Variants in FZR1 observed in about 807,000 individuals in gnomAD.
FZR1 encodes fizzy and cell division cycle 20 related 1.
In FZR1, 11 loss-of-function variants were observed where a neutral mutation model predicts 63.6. The ratio of observed to expected loss-of-function variants is 0.17; its 90% CI spans 0.11 to 0.29. The LOEUF is 0.29. FZR1 is among the 10% of genes least tolerant of loss of function. The probability of loss-of-function intolerance (pLI) is 1.00; values close to 1 mark genes in which losing one functional copy is unlikely to be tolerated. For missense variants in FZR1, 440 were observed against 687.5 expected (o/e 0.64, Z 4.03); for synonymous variants, 328 against 297.9 (o/e 1.10, Z -1.04).
In FZR1 at chr19:3,532,755, C is replaced by T. The variant is rs1293912894; in HGVS notation, c.1242+105C>T. On this transcript the variant is annotated intron_variant, in intron 11 of 13. Coordinates refer to ENST00000441788, the MANE Select transcript of FZR1 (RefSeq NM_016263.4). ...CCTGTGGGGAGATGGGTCAGAGTCGCTCTGAAGGGAGATGGGCGAGGGAGG... is the reference window on the plus strand; with the variant it reads ...CCTGTGGGGAGATGGGTCAGAGTCGTTCTGAAGGGAGATGGGCGAGGGAGG... 2.9e-5 allele frequency: 23 copies of T among 806,160 alleles called. 1 individual carries two copies. The East Asian group carries it at 5.9e-4, about 21-fold the overall frequency. The allele number at this position is 806,160 out of a possible 1,614,324, so 49.9% of individuals were successfully genotyped here.
chr19:3,518,100 C>T (rs1319000269), intron 1 of FZR1, among the ~76,000 whole-genome samples: 9 of 151,556 alleles, frequency 5.9e-5, no homozygotes, highest in Admixed American at 3.3e-4. Flanking sequence ...CTGCAACCTC[C>T]GCCTTCCAGG....
In FZR1 at chr19:3,534,931, C is replaced by T; in HGVS notation, c.*95C>T. The stretch of plus-strand genomic sequence containing the variant: ...GACTCTGCCTTCCCAGCGCTTGTCC[C>T]CCGAGGAAGGCGGCTGGGCGGGCGG... On this transcript the variant is annotated 3_prime_UTR_variant, in exon 14 of 14. Coordinates refer to ENST00000441788, the MANE Select transcript of FZR1 (RefSeq NM_016263.4). 9.6e-7 allele frequency: 1 copy of T among 1,041,996 alleles called. No individual in the cohort carries two copies. Among genetic ancestry groups the T allele is most frequent in the Non-Finnish European group, 1.5e-6 (1 of 671,262 alleles). 64.5% of individuals were successfully genotyped at this position (1,041,996 alleles called of 1,614,324 possible).
At position 3,525,900 on chromosome 19, in the gene FZR1, C is replaced by G. The variant is rs1467510068; in HGVS notation, c.102C>G (p.Ala34=). 1 of 1,612,172 alleles carries G rather than the reference C, an allele frequency of 6.2e-7. No homozygotes were observed. The highest frequency in any genetic ancestry group is 1.7e-5 in the Admixed American group (1 of 60,000). Residue 34 remains alanine, a synonymous_variant, in exon 3 of 14, where the codon GCC becomes GCG. Transcript: ENST00000441788. The surrounding 1 kb of genome is among the most constrained non-coding windows in gnomAD (Gnocchi z 4.2). The part of the protein sequence containing the change: ...VTEMRRTLTP[A]SSPVSSPSKH... ...AGATGCGGCGGACCCTGACGCCTGC[C>G]AGCTCCCCAGTGTCCTCGCCCAGCA...
intron 1 of FZR1, among the ~76,000 whole-genome samples, chr19:3,507,332 G>GC (rs925890172): frequency 2.6e-5 from 4 of 151,318 alleles, no homozygotes; most frequent in African/African-American, 9.7e-5. Flanking sequence ...TATGGAGTGT[G>GC]CCCCCCATTC....
At position 3,530,774 on chromosome 19, in the gene FZR1, A is replaced by T. The variant is rs367608682; in HGVS notation, c.655-18A>T. The stretch of plus-strand genomic sequence containing the variant: ...CTTCGAGACCAGCGGCAAAGCTCAC[A>T]CTGACCTCTGCCTCCAGGTGACGCG... On this transcript the variant is annotated intron_variant, in intron 7 of 13. Coordinates refer to ENST00000441788, the MANE Select transcript of FZR1 (RefSeq NM_016263.4). 10 of 1,606,984 alleles carry T rather than the reference A, an allele frequency of 6.2e-6. No individual in the cohort carries two copies. The highest frequency in any genetic ancestry group is 7.7e-6 in the Non-Finnish European group (9 of 1,175,132).
chr19:3,527,592 G>A, intron 6 of FZR1, 39 bp from the exon 7 acceptor site: 1 of 1,561,380 alleles, frequency 6.4e-7, no homozygotes, highest in Non-Finnish European at 8.7e-7. Context: ...GGTGACCCAA[G>A]TGCCGTGGCT....
rs988393731 is a variant in FZR1 at position 3,515,731 on chromosome 19, A to T, written c.-34-7225A>T. On this transcript the variant is annotated intron_variant, in intron 1 of 13. Transcript: ENST00000441788. The surrounding 1 kb of genome is among the most constrained non-coding windows in gnomAD (Gnocchi z 4.6). Reference sequence around the variant, plus strand: ...CAGTGAGCAGAGATCGCACCACTGCAGTCCAGCCTGGGTGACAGAGCCAGA... The same window carrying T: ...CAGTGAGCAGAGATCGCACCACTGCTGTCCAGCCTGGGTGACAGAGCCAGA... Among the ~76,000 whole-genome samples the T allele has an allele frequency of 4.6e-5, 7 of 151,118 alleles. No homozygotes were observed. The highest frequency in any genetic ancestry group is 1.5e-4 in the African/African-American group (6 of 41,014).
chr19:3,528,973 CAGATGGTTGAGCGGAT>C (rs2083195713), intron 7 of FZR1, among the ~76,000 whole-genome samples: 1 of 139,260 alleles, frequency 7.2e-6, no homozygotes, highest in African/African-American at 2.7e-5. Flanking sequence ...GATGGGAGAG[CAGATGGTTGAGCGGAT>C]GGATGAGCAG....
At position 3,509,785 on chromosome 19, in the gene FZR1, T is replaced by C. The variant is rs1421859469; in HGVS notation, c.-35+3311T>C. Among the ~76,000 whole-genome samples, 8 of 152,360 alleles carry C rather than the reference T, an allele frequency of 5.3e-5. No individual in the cohort carries two copies. The East Asian group carries it at 1.5e-3, about 29-fold the overall frequency. ...TAGGCTGTGGCCTGAGTCAGAGCCC[T>C]GCTCTTTGTCGTGGCTGAGTCATGT... is the stretch of plus-strand genomic sequence containing the variant. On this transcript the variant is annotated intron_variant, in intron 1 of 13. Coordinates refer to ENST00000441788, the MANE Select transcript of FZR1 (RefSeq NM_016263.4).
intron 1 of FZR1, among the ~76,000 whole-genome samples, chr19:3,519,132 G>C (rs2083080298): frequency 6.6e-6 from 1 of 152,224 alleles, no homozygotes; most frequent in Non-Finnish European, 1.5e-5. Context: ...CCCATGCGAG[G>C]CTGGGCAGAG....
intron 10 of FZR1, 79 bp downstream of exon 10, chr19:3,532,174 C>A: frequency 1.5e-6 from 2 of 1,356,500 alleles, no homozygotes; most frequent in Non-Finnish European, 2.0e-6. Context: ...AGAGCCTGGG[C>A]TGGGGCGGGC....
rs1271857105 is a variant in FZR1, at chr19:3,530,251, TGAGCGGATGGGA to T, written c.655-511_655-500del. Among the ~76,000 whole-genome samples the T allele has an allele frequency of 1.0e-2, 686 of 68,822 alleles. 23 individuals carry two copies. The highest frequency in any genetic ancestry group is 0.014 in the African/African-American group (233 of 16,086). The allele number at this position is 68,822 out of a possible 152,430, so 45.1% of individuals were successfully genotyped here. A position where few individuals can be genotyped will look rare whatever the true frequency, so the allele number is the denominator to read the frequency against. On this transcript the variant is annotated intron_variant, in intron 7 of 13. Transcript: ENST00000441788. ...GTGAGCGGATGGGAGAGCAGATGGGTGAGCGGATGGGAGAGCGGATGGGAGAGCGGATGGGAG... is the reference window on the plus strand; with the variant it reads ...GTGAGCGGATGGGAGAGCAGATGGGTGAGCGGATGGGAGAGCGGATGGGAG...
At chr19:3,508,201 T>TTC (rs2082999366) in intron 1 of FZR1, among the ~76,000 whole-genome samples, 1 of 56,038 alleles carries the variant, frequency 1.8e-5, no homozygotes, top group African/African-American at 1.3e-4. Flanking sequence ...ATTGATTTTC[T>TTC]TTTTTTTTTT....
At chr19:3,508,672 G>A (rs1327178351) in intron 1 of FZR1, among the ~76,000 whole-genome samples, 1 of 152,156 alleles carries the variant, frequency 6.6e-6, no homozygotes, top group Non-Finnish European at 1.5e-5. Flanking sequence ...CCGCTCCCGG[G>A]GACTCCAGGC....
Position 3,533,624 on chromosome 19 carries a change from C to A in FZR1, c.1347+226C>A. The A allele has an allele frequency of 1.8e-6, 1 of 542,016 alleles. No individual in the cohort carries two copies. The highest frequency in any genetic ancestry group is 3.3e-6 in the Non-Finnish European group (1 of 303,388). The allele number at this position is 542,016 out of a possible 1,614,324, so 33.6% of individuals were successfully genotyped here. A position where few individuals can be genotyped will look rare whatever the true frequency, so the allele number is the denominator to read the frequency against. ...CCCTGCAGGTGCAGGCCCTGTCCTC[C>A]TGGAGGACCTTAGCTTCTTCATTTG... On this transcript the variant is annotated intron_variant, in intron 12 of 13. Coordinates refer to ENST00000441788, the MANE Select transcript of FZR1 (RefSeq NM_016263.4). The surrounding 1 kb of genome is among the most constrained non-coding windows in gnomAD (Gnocchi z 4.9).
intron 7 of FZR1, among the ~76,000 whole-genome samples, chr19:3,529,083 T>C (rs375082279): frequency 1.5e-5 from 2 of 133,102 alleles, no homozygotes; most frequent in African/African-American, 7.2e-5. Flanking sequence ...GGAGAGCGGA[T>C]GGGAGAGCAG....
intron 7 of FZR1, among the ~76,000 whole-genome samples, chr19:3,528,899 GGAGTGGATGTTT>G (rs987786005): frequency 4.0e-5 from 6 of 148,436 alleles, no homozygotes; most frequent in African/African-American, 1.0e-4. Context: ...GTGGTTGAGG[GGAGTGGATGTTT>G]GAGTGGATGG....
intron 1 of FZR1, among the ~76,000 whole-genome samples, chr19:3,509,961 G>A (rs12609471): frequency 3.9e-5 from 6 of 152,028 alleles, no homozygotes; most frequent in Admixed American, 1.3e-4. Flanking sequence ...CTGTGACTGA[G>A]GCGCTGGTGC....
Position 3,533,697 on chromosome 19 carries a change from C to T in FZR1, c.1347+299C>T. 1 of 373,950 alleles carries T rather than the reference C, an allele frequency of 2.7e-6. No individual in the cohort carries two copies. The highest frequency in any genetic ancestry group is 4.9e-6 in the Non-Finnish European group (1 of 202,450). The allele number at this position is 373,950 out of a possible 1,614,324, so 23.2% of individuals were successfully genotyped here. The stretch of plus-strand genomic sequence containing the variant: ...GTGAAGAGGAAAGCCAAAACCAACT[C>T]ACAGCTGACCACTCAGATGACCCTG... On this transcript the variant is annotated intron_variant, in intron 12 of 13. Transcript: ENST00000441788. This position sits in a 1 kb window ranked among gnomAD's most constrained non-coding sequence, Gnocchi z 4.9.
Sources: allele counts gnomAD v4.1 joint callset (sites outside exome capture counted in the v4.1 genomes callset), GRCh38; gene constraint gnomAD v4.1.1; non-coding constraint Gnocchi (gnomAD v3.1); transcripts MANE v1.5; gene names NCBI Gene and HGNC (gene_info 2026-07-23, HGNC 2026-07-21).